The following SYCP2L variants were observed in gnomAD, a reference collection of about 807,000 sequenced individuals.
SYCP2L encodes synaptonemal complex protein 2 like.
Under a neutral mutation model 125.8 loss-of-function variants are expected in SYCP2L, and 98 were observed. The observed-to-expected ratio is 0.78, with a 90% confidence interval of 0.66 to 0.92. SYCP2L has a LOEUF of 0.92. Among genes scored for constraint, SYCP2L ranks in the 40% least tolerant of loss-of-function variants. SYCP2L has a pLI of 0.00. For missense variants in SYCP2L, 842 were observed against 936.4 expected (o/e 0.90, Z 1.32); for synonymous variants, 317 against 325.4 (o/e 0.97, Z 0.28).
chr6:10,910,050 T>C, intron 10 of SYCP2L, 98 bp from the exon 11 acceptor site: 5 of 904,330 alleles, frequency 5.5e-6, no homozygotes, highest in South Asian at 3.1e-5. Flanking sequence ...TGCCTCCTGG[T>C]CATTTAGAAG....
intron 15 of SYCP2L, among the ~76,000 whole-genome samples, chr6:10,926,067 G>C (rs959565928): frequency 6.6e-6 from 1 of 152,184 alleles, no homozygotes; most frequent in African/African-American, 2.4e-5. Flanking sequence ...ACCCAATGGG[G>C]TAAGACCTGG....
chr6:10,909,025 A>C (rs1037378691), intron 10 of SYCP2L, among the ~76,000 whole-genome samples: 2 of 150,870 alleles, frequency 1.3e-5, no homozygotes, highest in Non-Finnish European at 2.9e-5. Context: ...GTCATTTCTC[A>C]TTTGCAGGAA....
intron 25 of SYCP2L, among the ~76,000 whole-genome samples, chr6:10,956,709 T>G (rs1211139567): frequency 7.2e-5 from 11 of 152,190 alleles, no homozygotes; most frequent in Non-Finnish European, 1.6e-4. Context: ...GTGATCCACC[T>G]GCCTCGGCCT....
At chr6:10,950,392 G>T (rs1214464835) in intron 23 of SYCP2L, among the ~76,000 whole-genome samples, 1 of 151,864 alleles carries the variant, frequency 6.6e-6, no homozygotes, top group African/African-American at 2.4e-5. Flanking sequence ...TTCTCTGTTG[G>T]TATTACTTTA....
chr6:10,904,714 G>A (rs1166913261), intron 8 of SYCP2L, among the ~76,000 whole-genome samples: 2 of 152,124 alleles, frequency 1.3e-5, no homozygotes, highest in Non-Finnish European at 2.9e-5. Flanking sequence ...AATTAATTTC[G>A]CTCAGTGGTA....
chr6:10,892,749 G>A (rs897923915), intron 2 of SYCP2L, among the ~76,000 whole-genome samples: 3 of 152,116 alleles, frequency 2.0e-5, no homozygotes, highest in African/African-American at 7.2e-5. Context: ...AACATCTGCA[G>A]AACACTTAAC....
chr6:10,950,061 A>G (rs534671953), intron 23 of SYCP2L, among the ~76,000 whole-genome samples: 37 of 152,294 alleles, frequency 2.4e-4, no homozygotes, highest in African/African-American at 8.2e-4. Flanking sequence ...AAAAGCTTCA[A>G]GTAAATGTTT....
At chr6:10,898,175 A>G in intron 5 of SYCP2L, 60 bp downstream of exon 5, 1 of 1,232,354 alleles carries the variant, frequency 8.1e-7, no homozygotes, top group Non-Finnish European at 1.2e-6. Flanking sequence ...AGGAATCTTC[A>G]AGTTATTTAT....
chr6:10,888,887 AG>A (rs995097610), intron 1 of SYCP2L, among the ~76,000 whole-genome samples: 23 of 151,914 alleles, frequency 1.5e-4, no homozygotes, highest in African/African-American at 5.6e-4. Flanking sequence ...TTTGATACGG[AG>A]TCTCACTCTG....
intron 28 of SYCP2L, 133 bp downstream of exon 28, chr6:10,961,691 C>T (rs1781596155): frequency 1.2e-6 from 1 of 833,896 alleles, no homozygotes; most frequent in Admixed American, 2.4e-5. Context: ...GAACCGGCCA[C>T]TTCTGTGGCA....
chr6:10,962,834 A>G (rs1268314968), intron 28 of SYCP2L, among the ~76,000 whole-genome samples: 2 of 152,206 alleles, frequency 1.3e-5, no homozygotes, highest in African/African-American at 4.8e-5. Context: ...GTTGTGAGTC[A>G]TGTAGCCTAT....
intron 4 of SYCP2L, among the ~76,000 whole-genome samples, chr6:10,894,580 C>T (rs1196753782): frequency 6.6e-6 from 1 of 152,192 alleles, no homozygotes; most frequent in African/African-American, 2.4e-5. Context: ...TCGTCAAAAA[C>T]TTTTCTTTGC....
chr6:10,922,625 C>G (rs994912737), intron 14 of SYCP2L: 2 of 152,066 alleles, frequency 1.3e-5, no homozygotes, highest in Non-Finnish European at 2.9e-5. Flanking sequence ...GCCACCATGC[C>G]GGGCTAACAA....
chr6:10,961,695 T>C (rs1781596261), intron 28 of SYCP2L, 137 bp downstream of exon 28: 1 of 795,626 alleles, frequency 1.3e-6, no homozygotes, highest in Admixed American at 2.4e-5. Context: ...CGGCCACTTC[T>C]GTGGCACCTC....
chr6:10,895,274 G>T (rs1780238313), intron 4 of SYCP2L, among the ~76,000 whole-genome samples: 1 of 152,054 alleles, frequency 6.6e-6, no homozygotes, highest in Non-Finnish European at 1.5e-5. Context: ...GTATGAATAG[G>T]ACTTCTTCTG....
In SYCP2L at chr6:10,924,007, T is replaced by G. The variant is rs1352601077; in HGVS notation, c.1073-489T>G. On this transcript the variant is annotated intron_variant, in intron 14 of 29. Transcript: ENST00000283141. Reference sequence around the variant, plus strand: ...CCTACAGAATTTTTTCTAAGGTGTTTCCGTCTCTTCTTCAAGTGGAGTCCA... The same window carrying G: ...CCTACAGAATTTTTTCTAAGGTGTTGCCGTCTCTTCTTCAAGTGGAGTCCA... Among the ~76,000 whole-genome samples the G allele has an allele frequency of 2.0e-5, 3 of 152,256 alleles. No individual in the cohort carries two copies. In the East Asian group the frequency reaches 5.8e-4, roughly 29 times the overall value.
intron 1 of SYCP2L, among the ~76,000 whole-genome samples, chr6:10,890,104 A>C (rs913215688): frequency 6.6e-6 from 1 of 152,172 alleles, no homozygotes; most frequent in African/African-American, 2.4e-5. Flanking sequence ...TTCTTTATCC[A>C]TTCATCCACT....
chr6:10,959,768 C>T (rs957444949), intron 26 of SYCP2L, among the ~76,000 whole-genome samples: 2 of 151,366 alleles, frequency 1.3e-5, no homozygotes, highest in Non-Finnish European at 2.9e-5. Flanking sequence ...ACTTGGGAGG[C>T]TGAGGCGGGA....
intron 29 of SYCP2L, 52 bp downstream of exon 29, chr6:10,963,895 G>A: frequency 7.2e-7 from 1 of 1,391,282 alleles, no homozygotes; most frequent in Non-Finnish European, 1.0e-6. Flanking sequence ...GGTCAGGGCA[G>A]GGAGCAAGCT....
Sources: gnomAD v4.1 joint callset for allele counts (sites outside exome capture counted in the v4.1 genomes callset) on GRCh38, gnomAD v4.1.1 for gene constraint, MANE v1.5 for transcripts, NCBI Gene and HGNC (gene_info 2026-07-23, HGNC 2026-07-21) for gene names.